NAALADL2: variants seen among roughly 807,000 people sequenced by gnomAD.
NAALADL2 encodes inactive N-acetylated-alpha-linked acidic dipeptidase-like protein 2.
Under a neutral mutation model 87.2 loss-of-function variants are expected in NAALADL2, and 76 were observed. The observed-to-expected ratio is 0.87, with a 90% confidence interval of 0.72 to 1.05. NAALADL2 has a LOEUF of 1.05. NAALADL2 is among the 50% of genes least tolerant of loss of function. The pLI is 0.00. For synonymous variants in NAALADL2, 354 were observed against 331.0 expected (o/e 1.07, Z -0.75); for missense variants, 1,089 against 945.8 (o/e 1.15, Z -1.99).
chr3:174,533,955 T>A (rs1348700033), intron 1 of NAALADL2, among the ~76,000 whole-genome samples: 2 of 152,186 alleles, frequency 1.3e-5, no homozygotes, highest in Admixed American at 1.3e-4. Flanking sequence ...ATTGTTGTGG[T>A]TGGATATTAA....
chr3:174,465,694 A>G (rs1716492562), intron 1 of NAALADL2, among the ~76,000 whole-genome samples: 2 of 152,322 alleles, frequency 1.3e-5, no homozygotes, highest in Admixed American at 6.5e-5. Flanking sequence ...TGAGCATAGA[A>G]AATATATTAA....
intron 5 of NAALADL2, among the ~76,000 whole-genome samples, chr3:175,355,222 C>A (rs368250725): frequency 1.3e-5 from 2 of 151,904 alleles, no homozygotes; most frequent in African/African-American, 4.8e-5. Context: ...GTGTGCATCA[C>A]CACACTTGCT....
At chr3:175,021,617 C>T (rs576529858) in intron 1 of NAALADL2, among the ~76,000 whole-genome samples, 84 of 152,228 alleles carry the variant, frequency 5.5e-4, no homozygotes, top group African/African-American at 1.9e-3. Context: ...GTCTTTTCCA[C>T]ACAATCTTAC....
intron 5 of NAALADL2, among the ~76,000 whole-genome samples, chr3:175,437,815 C>G (rs903509791): frequency 6.6e-6 from 1 of 152,034 alleles, no homozygotes; most frequent in African/African-American, 2.4e-5. Context: ...TCTATATATT[C>G]TTTTAGTATC....
intron 1 of NAALADL2, among the ~76,000 whole-genome samples, chr3:174,502,738 A>C (rs963484520): frequency 6.6e-6 from 1 of 152,154 alleles, no homozygotes; most frequent in Admixed American, 6.6e-5. Flanking sequence ...GATATGAATA[A>C]AAAATAATCT....
intron 2 of NAALADL2, among the ~76,000 whole-genome samples, chr3:174,615,677 C>T (rs550980992): frequency 9.2e-5 from 14 of 152,112 alleles, no homozygotes; most frequent in Admixed American, 6.5e-4. Context: ...CTTTTTCTCT[C>T]GCTCTCCCTC....
At chr3:174,700,049 T>C (rs1334239595) in intron 2 of NAALADL2, among the ~76,000 whole-genome samples, 2 of 152,094 alleles carry the variant, frequency 1.3e-5, no homozygotes, top group Non-Finnish European at 2.9e-5. Context: ...TTTGTTTACT[T>C]ACTTGTTGGT....
intron 1 of NAALADL2, among the ~76,000 whole-genome samples, chr3:175,055,290 AG>A (rs1711895186): frequency 6.6e-6 from 1 of 152,212 alleles, no homozygotes; most frequent in African/African-American, 2.4e-5. Flanking sequence ...AGGGAACAGA[AG>A]TAGATATAAC....
At chr3:174,687,017 A>AGTAT (rs1728109201) in intron 2 of NAALADL2, among the ~76,000 whole-genome samples, 1 of 152,030 alleles carries the variant, frequency 6.6e-6, no homozygotes, top group Non-Finnish European at 1.5e-5. Context: ...TTTCTGCCCC[A>AGTAT]GTCTGTCTTA....
At chr3:175,178,842 G>A (rs892290219) in intron 2 of NAALADL2, among the ~76,000 whole-genome samples, 1 of 148,946 alleles carries the variant, frequency 6.7e-6, no homozygotes, top group African/African-American at 2.5e-5. Context: ...TTTTTTTTTT[G>A]TCTTCAAATA....
intron 12 of NAALADL2, among the ~76,000 whole-genome samples, chr3:175,746,526 A>G (rs1184467605): frequency 6.6e-6 from 1 of 152,114 alleles, no homozygotes; most frequent in Non-Finnish European, 1.5e-5. Context: ...AATGAAGTAC[A>G]CTGGGTCCTC....
intron 2 of NAALADL2, among the ~76,000 whole-genome samples, chr3:174,712,755 G>T (rs1044625664): frequency 6.6e-6 from 1 of 151,804 alleles, no homozygotes; most frequent in Admixed American, 6.6e-5. Context: ...TTAGAACAAT[G>T]ACACTTTTTT....
At chr3:174,591,266 C>T (rs1218703459) in intron 2 of NAALADL2, among the ~76,000 whole-genome samples, 1 of 152,072 alleles carries the variant, frequency 6.6e-6, no homozygotes, top group Non-Finnish European at 1.5e-5. Flanking sequence ...TTTTTCTAGG[C>T]CCCTAAGGAG....
intron 1 of NAALADL2, among the ~76,000 whole-genome samples, chr3:174,895,533 A>G (rs1731407762): frequency 6.6e-6 from 1 of 152,164 alleles, no homozygotes; most frequent in South Asian, 2.1e-4. Flanking sequence ...GGTAGCCATA[A>G]TACAAATTCT....
At chr3:174,498,314 T>G (rs184177236) in intron 1 of NAALADL2, among the ~76,000 whole-genome samples, 2,131 of 152,174 alleles carry the variant, frequency 0.014, 49 homozygotes, top group African/African-American at 0.049. Context: ...TATGGCTTCT[T>G]TAATCACAGT....
At chr3:175,164,242 C>T (rs1360538702) in intron 2 of NAALADL2, among the ~76,000 whole-genome samples, 1 of 151,310 alleles carries the variant, frequency 6.6e-6, no homozygotes, top group Non-Finnish European at 1.5e-5. Context: ...CATTTTTATT[C>T]CCCATTAAAA....
intron 2 of NAALADL2, among the ~76,000 whole-genome samples, chr3:174,604,569 A>G (rs897083233): frequency 1.4e-4 from 21 of 151,838 alleles, no homozygotes; most frequent in African/African-American, 4.3e-4. Flanking sequence ...TTTACATTCA[A>G]TGTTATTGTT....
intron 9 of NAALADL2, among the ~76,000 whole-genome samples, chr3:175,534,100 T>C (rs928310562): frequency 1.3e-5 from 2 of 149,472 alleles, no homozygotes; most frequent in Non-Finnish European, 3.0e-5. Flanking sequence ...ATCAGTGTTC[T>C]CCATACTATT....
chr3:175,388,492 T>C (rs943522714), intron 5 of NAALADL2, among the ~76,000 whole-genome samples: 3 of 152,072 alleles, frequency 2.0e-5, no homozygotes, highest in South Asian at 2.1e-4. Context: ...TAGGAAATGC[T>C]TACAAATATT....
Sources: allele counts gnomAD v4.1 joint callset (sites outside exome capture counted in the v4.1 genomes callset), GRCh38; gene constraint gnomAD v4.1.1; transcripts MANE v1.5; gene names NCBI Gene and HGNC (gene_info 2026-07-23, HGNC 2026-07-21).